The following FGD1 variants were observed in gnomAD, a reference collection of about 807,000 sequenced individuals.
FGD1 encodes FYVE, RhoGEF and PH domain containing 1, also known as FYVE, RhoGEF and PH domain-containing protein 1.
FGD1 carries 12 observed loss-of-function variants against 65.0 expected under a neutral mutation model. That is an observed-to-expected ratio of 0.18 (90% CI 0.12 to 0.30). The LOEUF (loss-of-function observed/expected upper bound fraction) is 0.30, where lower values mean the gene tolerates loss of function less well. FGD1 is among the 10% of genes least tolerant of loss of function. FGD1 has a pLI of 1.00. For missense variants in FGD1, 542 were observed against 837.6 expected (o/e 0.65, Z 4.36); for synonymous variants, 333 against 343.9 (o/e 0.97, Z 0.35).
intron 12 of FGD1, among the ~76,000 whole-genome samples, chrX:54,452,642 A>G (rs1922407007): frequency 9.0e-6 from 1 of 111,530 alleles, no homozygotes; most frequent in African/African-American, 3.3e-5. Flanking sequence ...GCTACTCAGG[A>G]GGCTAAGGCA....
In FGD1 at chrX:54,450,267, T is replaced by A. The variant is rs1343806945; in HGVS notation, c.2046+4A>T. On this transcript the variant is annotated splice_donor_region_variant and intron_variant, in intron 13 of 17. Coordinates refer to ENST00000375135, the MANE Select transcript of FGD1 (RefSeq NM_004463.3). ...GCCCCCTACCACAGAGCCTTGGATG[T>A]TACCTGGACCCAGTCTTTCTTCTCC... 1 of 1,209,611 alleles carries A rather than the reference T, an allele frequency of 8.3e-7. No individual in the cohort carries two copies.
chrX:54,481,488 A>G (rs1359102358), intron 1 of FGD1, among the ~76,000 whole-genome samples: 2 of 98,221 alleles, frequency 2.0e-5, no homozygotes, highest in African/African-American at 7.6e-5. Flanking sequence ...GCTATTACCC[A>G]TTTTACAGAT....
At chrX:54,484,712 T>C (rs1399871775) in intron 1 of FGD1, among the ~76,000 whole-genome samples, 1 of 112,669 alleles carries the variant, frequency 8.9e-6, no homozygotes, top group African/African-American at 3.2e-5. Context: ...TCACACCTTC[T>C]AGGTCCAAGG....
intron 12 of FGD1, among the ~76,000 whole-genome samples, chrX:54,452,086 G>A (rs1922390577): frequency 9.4e-6 from 1 of 106,925 alleles, no homozygotes; most frequent in Non-Finnish European, 1.9e-5. Context: ...GGGCAACATA[G>A]TGAGACCTCA....
At chrX:54,448,332 G>A (rs774086126) in intron 16 of FGD1, among the ~76,000 whole-genome samples, 3 of 110,600 alleles carry the variant, frequency 2.7e-5, no homozygotes, top group South Asian at 3.9e-4. Context: ...GATTGCAGGC[G>A]TGCGCCACCA....
rs780319897 is a variant in FGD1, at chrX:54,470,569, G to A, written c.659+14C>T. ...CCCCTTTCCCCTAGAGGGTGCCCTA[G>A]GGACCAGACTCACCTTTCAAACTTC... On this transcript the variant is annotated intron_variant, in intron 3 of 17. Coordinates refer to ENST00000375135, the MANE Select transcript of FGD1 (RefSeq NM_004463.3). 2 of 1,204,819 alleles carry A rather than the reference G, an allele frequency of 1.7e-6. No individual in the cohort carries two copies. The highest frequency in any genetic ancestry group is 4.4e-5 in the Admixed American group (2 of 45,880).
intron 8 of FGD1, among the ~76,000 whole-genome samples, chrX:54,461,807 G>A (rs1363432094): frequency 9.2e-6 from 1 of 108,127 alleles, no homozygotes; most frequent in East Asian, 2.9e-4. Flanking sequence ...TGGACCTGGA[G>A]AGTCAGTCTT....
rs915063758 is a variant in FGD1 at position 54,487,960 on chromosome X, CCAAA to C, written c.307+7162_307+7165del. Among the ~76,000 whole-genome samples the C allele has an allele frequency of 3.6e-4, 36 of 100,516 alleles. No individual in the cohort carries two copies. In the East Asian group the frequency reaches 8.0e-3, roughly 22 times the overall value. The allele number at this position is 100,516 out of a possible 115,157, so 87.3% of individuals were successfully genotyped here. ...GTGACACGCCGTCTGAAAAAACCAA[CCAAA>C]CAAACAAACAAACAAAAAAACCAAA... On this transcript the variant is annotated intron_variant, in intron 1 of 17. Coordinates refer to ENST00000375135, the MANE Select transcript of FGD1 (RefSeq NM_004463.3).
chrX:54,446,105 C>G lies in FGD1; in HGVS notation c.*4G>C. ...GTGGGGGCTCCCAGTTTGTCCCAAA[C>G]CCTCTAGGTCTTGTCTCGGGTCTGG... On this transcript the variant is annotated 3_prime_UTR_variant, in exon 18 of 18. Transcript: ENST00000375135. 8.3e-7 allele frequency: 1 copy of G among 1,202,116 alleles called. No individual in the cohort carries two copies. The highest frequency in any genetic ancestry group is 1.1e-6 in the Non-Finnish European group (1 of 891,352).
At chrX:54,446,560 A>G in intron 17 of FGD1, 146 bp from the exon 18 acceptor site, 2 of 522,488 alleles carry the variant, frequency 3.8e-6, no homozygotes, top group Non-Finnish European at 6.2e-6. Context: ...CTCCAGTGTT[A>G]TCAACAGGAA....
intron 12 of FGD1, among the ~76,000 whole-genome samples, chrX:54,453,235 G>A (rs1244713076): frequency 9.0e-6 from 1 of 111,180 alleles, no homozygotes; most frequent in Non-Finnish European, 1.9e-5. Flanking sequence ...AGGCCTCCAT[G>A]AGGCTCTCAA....
intron 1 of FGD1, among the ~76,000 whole-genome samples, chrX:54,484,148 C>T (rs148726601): frequency 2.1e-4 from 24 of 112,238 alleles, no homozygotes; most frequent in African/African-American, 7.4e-4. Flanking sequence ...TGCTCTCTTC[C>T]GCCTAGGGCT....
chrX:54,451,176 T>C (rs1267153261), intron 12 of FGD1, among the ~76,000 whole-genome samples: 1 of 111,594 alleles, frequency 9.0e-6, no homozygotes, highest in African/African-American at 3.3e-5. Flanking sequence ...AGGTAACGTG[T>C]ACAGTGCTCA....
At chrX:54,478,109 C>T (rs923489578) in intron 1 of FGD1, among the ~76,000 whole-genome samples, 2 of 110,797 alleles carry the variant, frequency 1.8e-5, no homozygotes, top group Non-Finnish European at 3.8e-5. Flanking sequence ...CAGAGTGATA[C>T]CCCGTCTAAA....
intron 1 of FGD1, among the ~76,000 whole-genome samples, chrX:54,476,865 G>T (rs891794312): frequency 2.7e-5 from 3 of 109,890 alleles, no homozygotes; most frequent in African/African-American, 1.0e-4. Flanking sequence ...TTGAGGTGAG[G>T]CCTTACTATT....
At chrX:54,448,717 C>T in intron 16 of FGD1, 89 bp downstream of exon 16, 1 of 998,077 alleles carries the variant, frequency 1.0e-6, no homozygotes, top group Non-Finnish European at 1.4e-6. Flanking sequence ...ACTACTGTTT[C>T]CCAAATACTC....
intron 7 of FGD1, 23 bp from the exon 8 acceptor site, chrX:54,465,612 G>A (rs777849597): frequency 4.6e-5 from 56 of 1,208,065 alleles, no homozygotes; most frequent in Non-Finnish European, 6.1e-5. Context: ...GAAGCAGAGG[G>A]GCTCAGATCT....
At chrX:54,482,525 G>A (rs990856853) in intron 1 of FGD1, among the ~76,000 whole-genome samples, 5 of 111,969 alleles carry the variant, frequency 4.5e-5, no homozygotes, top group Non-Finnish European at 9.4e-5. Context: ...GGGCTGCCAC[G>A]CTGGCTGAGA....
chrX:54,493,991 T>C (rs758191505), intron 1 of FGD1, among the ~76,000 whole-genome samples: 2 of 112,818 alleles, frequency 1.8e-5, no homozygotes, highest in East Asian at 5.6e-4. Context: ...TGCGCTGCTC[T>C]TCTTCTGTGG....
Sources: allele counts gnomAD v4.1 joint callset (sites outside exome capture counted in the v4.1 genomes callset), GRCh38; gene constraint gnomAD v4.1.1; transcripts MANE v1.5; gene names NCBI Gene and HGNC (gene_info 2026-07-23, HGNC 2026-07-21).